PRMT8: variants seen among roughly 807,000 people sequenced by gnomAD.
PRMT8 encodes the protein protein arginine methyltransferase 8, also known as protein arginine N-methyltransferase 8.
In PRMT8, 7 loss-of-function variants were observed where a neutral mutation model predicts 47.1. The observed-to-expected ratio is 0.15, with a 90% CI of 0.08 to 0.28. The LOEUF (loss-of-function observed/expected upper bound fraction) is 0.28. Among genes scored for constraint, PRMT8 ranks in the 10% least tolerant of loss-of-function variants. PRMT8 has a pLI of 1.00. For synonymous variants in PRMT8, 188 were observed against 186.5 expected, an observed-to-expected ratio of 1.01 and a Z score of -0.07; for missense variants, 237 against 505.4, an observed-to-expected ratio of 0.47 and a Z score of 5.09.
rs1591598501 is a variant in PRMT8 at position 3,552,466 on chromosome 12, C to G, written c.418-1185C>G. 3.7e-6 allele frequency: 1 copy of G among 273,182 alleles called. No individual in the cohort carries two copies. The highest frequency in any genetic ancestry group is 2.2e-5 in the African/African-American group (1 of 44,576). 16.9% of individuals were successfully genotyped at this position (273,182 alleles called of 1,614,324 possible). ...GGCAGTGGCCAGGCATAAATCCAGG[C>G]CTGGCTCCGGGTCGCATGCTCCTCA... is the stretch of plus-strand genomic sequence containing the variant. On this transcript the variant is annotated intron_variant, in intron 3 of 9. Coordinates refer to ENST00000382622, the MANE Select transcript of PRMT8 (RefSeq NM_019854.5). The surrounding 1 kb of genome is among the most constrained non-coding windows in gnomAD (Gnocchi z 4.5).
Position 3,583,580 on chromosome 12 carries a change from C to T in PRMT8, c.979+372C>T, listed in dbSNP as rs1209066824. Among the ~76,000 whole-genome samples the T allele has an allele frequency of 6.6e-6, 1 of 152,210 alleles. No homozygotes were observed. The highest frequency in any genetic ancestry group is 2.4e-5 in the African/African-American group (1 of 41,448). On this transcript the variant is annotated intron_variant, in intron 8 of 9. Coordinates refer to ENST00000382622, the MANE Select transcript of PRMT8 (RefSeq NM_019854.5). The surrounding 1 kb of genome is among the most constrained non-coding windows in gnomAD (Gnocchi z 4.7). ...ATAAGCCTAGTCTGCACTGCCATGC[C>T]TCTGTGCAGGACACAGCCTGTCTTG... is the stretch of plus-strand genomic sequence containing the variant.
At chr12:3,567,122 C>G (rs1280483644) in intron 4 of PRMT8, among the ~76,000 whole-genome samples, 1 of 152,244 alleles carries the variant, frequency 6.6e-6, no homozygotes, top group East Asian at 1.9e-4. Context: ...TGCTTCCCCT[C>G]TCCATCTGTG....
chr12:3,481,077 C>T (rs550984672), intron 1 of PRMT8, among the ~76,000 whole-genome samples: 44 of 152,296 alleles, frequency 2.9e-4, no homozygotes, highest in Non-Finnish European at 4.3e-4. Context: ...ATTTGATAAA[C>T]GCTACTATCT....
At chr12:3,543,453 G>A (rs1866268641) in intron 2 of PRMT8, among the ~76,000 whole-genome samples, 1 of 152,150 alleles carries the variant, frequency 6.6e-6, no homozygotes, top group South Asian at 2.1e-4. Flanking sequence ...CCATATTTCT[G>A]CATCCATCTG....
At chr12:3,585,948 G>A (rs1317517367) in intron 8 of PRMT8, among the ~76,000 whole-genome samples, 1 of 152,134 alleles carries the variant, frequency 6.6e-6, no homozygotes, top group Non-Finnish European at 1.5e-5. Context: ...TAAGGATGAA[G>A]TCATAGGAGC....
At chr12:3,461,307 C>G (rs2137088324) in intron 1 of PRMT8, among the ~76,000 whole-genome samples, 1 of 152,254 alleles carries the variant, frequency 6.6e-6, no homozygotes, top group South Asian at 2.1e-4. Flanking sequence ...GGAAGCTCTA[C>G]TTTGGAGGAA....
chr12:3,400,920 G>A (rs1408824379), intron 1 of PRMT8, among the ~76,000 whole-genome samples: 2 of 152,056 alleles, frequency 1.3e-5, no homozygotes, highest in African/African-American at 4.8e-5. Context: ...GCCGAGGTGG[G>A]TAGATCACCT....
chr12:3,569,419 T>A lies in PRMT8; in HGVS notation c.625-58T>A. ...GTGACTCTATGTGCAGTTCAAAATGTGATGTCTTTGTCAGGTGAATAGATT... is the reference window on the plus strand; with the variant it reads ...GTGACTCTATGTGCAGTTCAAAATGAGATGTCTTTGTCAGGTGAATAGATT... On this transcript the variant is annotated intron_variant, in intron 5 of 9. Transcript: ENST00000382622. This position sits in a 1 kb window ranked among gnomAD's most constrained non-coding sequence, Gnocchi z 8.2. 7.1e-7 allele frequency: 1 copy of A among 1,410,774 alleles called. No individual in the cohort carries two copies. Among genetic ancestry groups the A allele is most frequent in the Non-Finnish European group, 1.0e-6 (1 of 994,438 alleles). 87.4% of individuals were successfully genotyped at this position (1,410,774 alleles called of 1,614,324 possible).
At chr12:3,438,821 G>A (rs1159989608) in intron 1 of PRMT8, among the ~76,000 whole-genome samples, 2 of 152,212 alleles carry the variant, frequency 1.3e-5, no homozygotes, top group African/African-American at 4.8e-5. Flanking sequence ...TATTTATGGG[G>A]ATGTTCTTTG....
chr12:3,527,142 T>C (rs539730338), intron 1 of PRMT8, among the ~76,000 whole-genome samples: 7 of 152,344 alleles, frequency 4.6e-5, no homozygotes, highest in South Asian at 4.1e-4. Context: ...GTTTATGGTA[T>C]ATGTATTGAA....
intron 1 of PRMT8, among the ~76,000 whole-genome samples, chr12:3,454,250 C>T (rs1864950811): frequency 6.6e-6 from 1 of 152,160 alleles, no homozygotes; most frequent in African/African-American, 2.4e-5. Context: ...CTTCTGACTC[C>T]CTGACGGGGA....
chr12:3,540,613 G>GGCCCCCCCGCCCCCC lies in PRMT8; in HGVS notation c.83_84insGCCCCCCCGCCCCCC (p.Ser28delinsArgProProArgProPro). 1 of 1,130,522 alleles carries GGCCCCCCCGCCCCCC rather than the reference G, an allele frequency of 8.8e-7. No individual in the cohort carries two copies. The highest frequency in any genetic ancestry group is 1.3e-6 in the Non-Finnish European group (1 of 752,492). The allele number at this position is 1,130,522 out of a possible 1,614,324, so 70.0% of individuals were successfully genotyped here. ...CCCTTCTCTTCCCCTCAGGTGAACA[G>GGCCCCCCCGCCCCCC]CCCCCCCTCCCAGCCCCCCCAGCCC... On this transcript the variant is annotated protein_altering_variant, in exon 2 of 10. Coordinates refer to ENST00000382622, the MANE Select transcript of PRMT8 (RefSeq NM_019854.5).
intron 6 of PRMT8, among the ~76,000 whole-genome samples, chr12:3,574,542 G>A (rs1341715141): frequency 6.6e-6 from 1 of 152,272 alleles, no homozygotes; most frequent in Admixed American, 6.5e-5. Flanking sequence ...TTGCATGGCA[G>A]CAAAGCCAGA....
At chr12:3,561,623 G>A (rs551093979) in intron 4 of PRMT8, among the ~76,000 whole-genome samples, 2 of 152,196 alleles carry the variant, frequency 1.3e-5, no homozygotes, top group African/African-American at 4.8e-5. Flanking sequence ...CTTGGAATAG[G>A]GTCATGCAGC....
chr12:3,539,441 G>T (rs1336818781), intron 1 of PRMT8, among the ~76,000 whole-genome samples: 2 of 152,124 alleles, frequency 1.3e-5, no homozygotes, highest in African/African-American at 4.8e-5. Context: ...TTTTACTAGA[G>T]CCAGGATAGG....
intron 1 of PRMT8, among the ~76,000 whole-genome samples, chr12:3,467,468 T>C (rs964509585): frequency 2.6e-5 from 4 of 151,922 alleles, no homozygotes; most frequent in Admixed American, 6.5e-5. Context: ...CAGAGACAAC[T>C]TTAAAGTGAG....
intron 1 of PRMT8, among the ~76,000 whole-genome samples, chr12:3,442,083 C>T (rs1208034598): frequency 1.3e-5 from 2 of 152,156 alleles, no homozygotes; most frequent in Non-Finnish European, 2.9e-5. Context: ...AAATGCATAG[C>T]ACCGAATTCT....
chr12:3,422,639 A>T (rs1864556555), intron 1 of PRMT8, among the ~76,000 whole-genome samples: 1 of 152,162 alleles, frequency 6.6e-6, no homozygotes, highest in South Asian at 2.1e-4. Flanking sequence ...CAGAAGAGGG[A>T]TTTTCACAAA....
intron 8 of PRMT8, among the ~76,000 whole-genome samples, chr12:3,584,981 C>T (rs1332793350): frequency 6.6e-6 from 1 of 152,156 alleles, no homozygotes; most frequent in Non-Finnish European, 1.5e-5. Context: ...CACAGAGATA[C>T]CTAGCTTCTT....
Sources: gnomAD v4.1 joint callset for allele counts (sites outside exome capture counted in the v4.1 genomes callset) on GRCh38, gnomAD v4.1.1 for gene constraint, Gnocchi (gnomAD v3.1) non-coding constraint, MANE v1.5 for transcripts, NCBI Gene and HGNC (gene_info 2026-07-23, HGNC 2026-07-21) for gene names.